DGKB: variants seen among roughly 807,000 people sequenced by gnomAD.
DGKB encodes 90 kDa diacylglycerol kinase.
A neutral mutation model predicts 114.3 loss-of-function variants in DGKB; 67 were observed. That is an observed-to-expected ratio of 0.59 (90% CI 0.48 to 0.72). The LOEUF (loss-of-function observed/expected upper bound fraction) is 0.72. DGKB is among the 30% of genes least tolerant of loss of function. The probability of loss-of-function intolerance (pLI) is 0.00; values close to 1 mark genes in which losing one functional copy is unlikely to be tolerated. For missense variants in DGKB, 907 were observed against 975.2 expected (o/e 0.93, Z 0.93); for synonymous variants, 398 against 323.1 (o/e 1.23, Z -2.49).
At chr7:14,827,247 T>G (rs967849866) in intron 2 of DGKB, among the ~76,000 whole-genome samples, 1 of 152,108 alleles carries the variant, frequency 6.6e-6, no homozygotes, top group African/African-American at 2.4e-5. Context: ...AAACATTGTG[T>G]GAACTAATAA....
intron 25 of DGKB, among the ~76,000 whole-genome samples, chr7:14,169,364 C>CAAA (rs35418998): frequency 1.5e-4 from 10 of 65,274 alleles, no homozygotes; most frequent in South Asian, 1.3e-3. Flanking sequence ...GACTCCGTCT[C>CAAA]AAAAAAAAAA....
intron 21 of DGKB, among the ~76,000 whole-genome samples, chr7:14,404,702 C>T (rs775425125): frequency 1.3e-5 from 2 of 151,876 alleles, no homozygotes; most frequent in African/African-American, 2.4e-5. Flanking sequence ...TCCCTCCCTT[C>T]AGTCCCCTCC....
chr7:14,731,270 T>A (rs186440535), intron 5 of DGKB, among the ~76,000 whole-genome samples: 132 of 152,284 alleles, frequency 8.7e-4, no homozygotes, highest in African/African-American at 2.3e-3. Context: ...TTTGAAAGAT[T>A]TGGACATCCA....
chr7:14,278,487 C>T (rs938535618), intron 23 of DGKB, among the ~76,000 whole-genome samples: 3 of 152,108 alleles, frequency 2.0e-5, no homozygotes, highest in Admixed American at 2.0e-4. Context: ...TGTTCAAAAA[C>T]CAACTCAAAT....
At chr7:14,691,506 TA>T (rs1822859078) in intron 9 of DGKB, among the ~76,000 whole-genome samples, 1 of 152,162 alleles carries the variant, frequency 6.6e-6, no homozygotes, top group South Asian at 2.1e-4. Flanking sequence ...TCTCAATTGC[TA>T]AAAAAGGTTC....
At chr7:14,777,482 G>T (rs1275255274) in intron 2 of DGKB, among the ~76,000 whole-genome samples, 2 of 152,030 alleles carry the variant, frequency 1.3e-5, no homozygotes, top group Admixed American at 1.3e-4. Context: ...ATGGTGGCAG[G>T]TACCTCCATG....
chr7:14,455,195 C>G (rs1008928316), intron 21 of DGKB, among the ~76,000 whole-genome samples: 1 of 152,000 alleles, frequency 6.6e-6, no homozygotes, highest in African/African-American at 2.4e-5. Context: ...AGTTAAAAAT[C>G]ACAGACATAA....
intron 13 of DGKB, among the ~76,000 whole-genome samples, chr7:14,672,297 G>A (rs1819091084): frequency 6.6e-6 from 1 of 151,988 alleles, no homozygotes; most frequent in Non-Finnish European, 1.5e-5. Flanking sequence ...AATTTTCAAA[G>A]TAATTTGGGT....
chr7:14,597,622 C>T (rs899855178), intron 17 of DGKB, among the ~76,000 whole-genome samples: 3 of 152,048 alleles, frequency 2.0e-5, no homozygotes, highest in Non-Finnish European at 4.4e-5. Context: ...AATTTTCATG[C>T]TCCTTGAGTT....
chr7:14,158,409 C>T (rs189852094), intron 25 of DGKB, among the ~76,000 whole-genome samples: 1 of 152,292 alleles, frequency 6.6e-6, no homozygotes, highest in African/African-American at 2.4e-5. Flanking sequence ...GGGGCATTTA[C>T]TAACCATCAG....
chr7:14,771,180 G>C (rs989901525), intron 2 of DGKB, among the ~76,000 whole-genome samples: 1 of 152,048 alleles, frequency 6.6e-6, no homozygotes, highest in Non-Finnish European at 1.5e-5. Context: ...AGGACTCTCA[G>C]ACCTTAGTTA....
chr7:14,188,956 G>C (rs973078590), intron 23 of DGKB, among the ~76,000 whole-genome samples: 2 of 151,956 alleles, frequency 1.3e-5, no homozygotes, highest in African/African-American at 4.8e-5. Context: ...CAGAAATGAA[G>C]AAGAAATAAA....
chr7:14,377,854 A>G (rs1166416274), intron 21 of DGKB, among the ~76,000 whole-genome samples: 1 of 152,176 alleles, frequency 6.6e-6, no homozygotes, highest in Non-Finnish European at 1.5e-5. Flanking sequence ...AGTTCTTCAC[A>G]GCCGTGGTTT....
intron 25 of DGKB, among the ~76,000 whole-genome samples, chr7:14,160,430 C>T (rs1230798709): frequency 6.6e-6 from 1 of 152,188 alleles, no homozygotes; most frequent in East Asian, 1.9e-4. Flanking sequence ...AGCAAAGTCT[C>T]AGCATACAAA....
At chr7:14,313,106 T>C (rs184222565) in intron 23 of DGKB, among the ~76,000 whole-genome samples, 12 of 152,326 alleles carry the variant, frequency 7.9e-5, no homozygotes, top group Non-Finnish European at 1.5e-4. Flanking sequence ...CAAGTAACCT[T>C]TAAGAAACTA....
chr7:14,287,528 T>C (rs1344879083), intron 23 of DGKB, among the ~76,000 whole-genome samples: 2 of 152,194 alleles, frequency 1.3e-5, no homozygotes, highest in Non-Finnish European at 2.9e-5. Context: ...TTCCTATAGT[T>C]GTCTTTTACT....
At chr7:14,862,117 A>C (rs956609532) in intron 1 of DGKB, among the ~76,000 whole-genome samples, 2 of 152,010 alleles carry the variant, frequency 1.3e-5, no homozygotes, top group Admixed American at 1.3e-4. Flanking sequence ...AATGAACTTG[A>C]GAATCTTATT....
chr7:14,522,534 A>G (rs1789956061), intron 20 of DGKB, among the ~76,000 whole-genome samples: 1 of 152,186 alleles, frequency 6.6e-6, no homozygotes, highest in African/African-American at 2.4e-5. Context: ...TGATACTCCA[A>G]ATCAAACGAG....
chr7:14,231,082 C>CCTTTCTTTCTCTCTTTCTTT (rs1486312653), intron 23 of DGKB, among the ~76,000 whole-genome samples: 23 of 121,764 alleles, frequency 1.9e-4, no homozygotes, highest in South Asian at 1.1e-3. Flanking sequence ...TTCTTCTTTC[C>CCTTTCTTTCTCTCTTTCTTT]CTTTCTTTCT....
Sources: allele counts gnomAD v4.1 joint callset (sites outside exome capture counted in the v4.1 genomes callset), GRCh38; gene constraint gnomAD v4.1.1; transcripts MANE v1.5; gene names NCBI Gene and HGNC (gene_info 2026-07-23, HGNC 2026-07-21).